The following SPACA7 variants were observed in gnomAD, a reference collection of about 807,000 sequenced individuals.
The protein encoded by SPACA7 is sperm acrosome-associated protein 7.
Under a neutral mutation model 26.3 loss-of-function variants are expected in SPACA7, and 19 were observed. The observed-to-expected ratio is 0.72, with a 90% CI of 0.50 to 1.06. The LOEUF is 1.06. SPACA7 is among the 50% of genes least tolerant of loss of function. The pLI is 0.00. For missense variants in SPACA7, 211 were observed against 229.9 expected, an observed-to-expected ratio of 0.92 and a Z score of 0.53; for synonymous variants, 84 against 84.5, an observed-to-expected ratio of 0.99 and a Z score of 0.04.
In SPACA7 at chr13:112,393,093, C is replaced by T. The variant is rs1041974157; in HGVS notation, c.151+16C>T. On this transcript the variant is annotated intron_variant, in intron 2 of 6. Transcript: ENST00000283550. Reference sequence around the variant, plus strand: ...GAATTATTAGGTAAGGAAGCCCCTCCTATCAACCTCTGGCCTGTACGTGAA... The same window carrying T: ...GAATTATTAGGTAAGGAAGCCCCTCTTATCAACCTCTGGCCTGTACGTGAA... 22 of 1,609,368 alleles carry T rather than the reference C, an allele frequency of 1.4e-5. No individual in the cohort carries two copies. The highest frequency in any genetic ancestry group is 1.6e-4 in the Middle Eastern group (1 of 6,066).
At chr13:112,397,877 C>T (rs540030800) in intron 2 of SPACA7, among the ~76,000 whole-genome samples, 172 bp from the exon 3 acceptor site, 3 of 152,028 alleles carry the variant, frequency 2.0e-5, no homozygotes, top group Admixed American at 2.0e-4. Flanking sequence ...CCTGCCCACC[C>T]AGAGAAGGTT....
intron 2 of SPACA7, 48 bp downstream of exon 2, chr13:112,393,125 T>C (rs772304306): frequency 6.7e-7 from 1 of 1,489,914 alleles, no homozygotes; most frequent in Non-Finnish European, 9.3e-7. Context: ...TGAAGAGGGC[T>C]GGATGGTTGT....
rs760451977 is a variant in SPACA7 at position 112,398,047 on chromosome 13, A to G, written c.152-2A>G. The stretch of plus-strand genomic sequence containing the variant: ...AACGTGATCTTGTGTGCTTCTCCCA[A>G]GATGAAATTCTGGTCCAGGAGATTT... On this transcript the variant is annotated splice_acceptor_variant, in intron 2 of 6. Coordinates refer to ENST00000283550, the MANE Select transcript of SPACA7 (RefSeq NM_145248.5). LOFTEE classifies it high-confidence loss of function. The G allele has an allele frequency of 1.7e-5, 27 of 1,610,450 alleles. No individual in the cohort carries two copies. Among genetic ancestry groups the G allele is most frequent in the African/African-American group, 1.3e-5 (1 of 74,822 alleles).
At chr13:112,376,803 A>G (rs561696169) in intron 1 of SPACA7, among the ~76,000 whole-genome samples, 1 of 152,258 alleles carries the variant, frequency 6.6e-6, no homozygotes, top group Admixed American at 6.5e-5. Context: ...ACACACATAC[A>G]CACTCCACAC....
Position 112,432,313 on chromosome 13 carries a change from TCAC to T in SPACA7, c.446-129_446-127del, listed in dbSNP as rs1877232782. The T allele has an allele frequency of 1.0e-4, 64 of 642,678 alleles. No homozygotes were observed. In the Admixed American group the frequency reaches 1.8e-3, roughly 18 times the overall value. The allele number at this position is 642,678 out of a possible 1,614,324, so 39.8% of individuals were successfully genotyped here. On this transcript the variant is annotated intron_variant, in intron 5 of 6. Coordinates refer to ENST00000283550, the MANE Select transcript of SPACA7 (RefSeq NM_145248.5). ...CTGTGTCTCGAGAAGCTGCAGCACCTCACCCCGCTTGCTCTGTGCGTGGGTGCT... is the reference window on the plus strand; with the variant it reads ...CTGTGTCTCGAGAAGCTGCAGCACCTCCCGCTTGCTCTGTGCGTGGGTGCT...
At position 112,393,003 on chromosome 13, in the gene SPACA7, GT is replaced by G; in HGVS notation, c.95-13del. ...TCAATGAACATTGTTAAACTGTAGG[GT>G]TTTTATTTCCTTCTAGGTTCACCTA... On this transcript the variant is annotated splice_polypyrimidine_tract_variant and intron_variant, in intron 1 of 6. Coordinates refer to ENST00000283550, the MANE Select transcript of SPACA7 (RefSeq NM_145248.5). The G allele has an allele frequency of 6.2e-7, 1 of 1,604,330 alleles. No homozygotes were observed.
chr13:112,393,921 G>T (rs1885063368), intron 2 of SPACA7, among the ~76,000 whole-genome samples: 1 of 151,410 alleles, frequency 6.6e-6, no homozygotes, highest in African/African-American at 2.4e-5. Context: ...TGGAGGCAGA[G>T]GTTGCAGTAA....
intron 5 of SPACA7, among the ~76,000 whole-genome samples, chr13:112,410,918 T>A (rs1235326236): frequency 6.6e-6 from 1 of 152,150 alleles, no homozygotes; most frequent in African/African-American, 2.4e-5. Flanking sequence ...GACGAATACA[T>A]GGATAAGCAA....
At chr13:112,430,596 C>G (rs572574589) in intron 5 of SPACA7, among the ~76,000 whole-genome samples, 62 of 152,256 alleles carry the variant, frequency 4.1e-4, no homozygotes, top group African/African-American at 1.5e-3. Context: ...GAAGGAAAAG[C>G]AAGGACTGGG....
At chr13:112,417,165 C>T (rs1354568548) in intron 5 of SPACA7, among the ~76,000 whole-genome samples, 3 of 151,984 alleles carry the variant, frequency 2.0e-5, no homozygotes, top group African/African-American at 4.8e-5. Context: ...TTAGACTCAC[C>T]TATTATTTTT....
intron 1 of SPACA7, among the ~76,000 whole-genome samples, chr13:112,382,105 C>G (rs985083794): frequency 1.3e-5 from 2 of 152,158 alleles, no homozygotes; most frequent in African/African-American, 4.8e-5. Context: ...GTTCAGCCTA[C>G]GCCCAGGAGT....
intron 5 of SPACA7, among the ~76,000 whole-genome samples, chr13:112,403,190 A>T (rs1885755653): frequency 6.6e-6 from 1 of 152,054 alleles, no homozygotes; most frequent in South Asian, 2.1e-4. Flanking sequence ...TTCTTAATCA[A>T]TGGGGTCAAT....
intron 5 of SPACA7, among the ~76,000 whole-genome samples, chr13:112,411,289 A>G (rs954498789): frequency 2.0e-5 from 3 of 151,982 alleles, no homozygotes; most frequent in Non-Finnish European, 4.4e-5. Context: ...ACCACTTACT[A>G]TCTGGTTTTT....
chr13:112,407,599 A>C (rs1219736622), intron 5 of SPACA7, among the ~76,000 whole-genome samples: 1 of 152,220 alleles, frequency 6.6e-6, no homozygotes, highest in Non-Finnish European at 1.5e-5. Flanking sequence ...CCTCTACGCA[A>C]ATAAACTAGA....
At chr13:112,420,193 A>G (rs971672798) in intron 5 of SPACA7, among the ~76,000 whole-genome samples, 1 of 152,210 alleles carries the variant, frequency 6.6e-6, no homozygotes, top group Non-Finnish European at 1.5e-5. Flanking sequence ...TTCAATAAAA[A>G]ATTACAATAC....
At chr13:112,411,048 C>T (rs546754073) in intron 5 of SPACA7, among the ~76,000 whole-genome samples, 1 of 151,892 alleles carries the variant, frequency 6.6e-6, no homozygotes, top group Non-Finnish European at 1.5e-5. Flanking sequence ...GAGTTAAGCT[C>T]ATTTACATTA....
Position 112,383,149 on chromosome 13 carries a change from GAAAGAAAGAAAGAAAGAAAGAA to G in SPACA7, c.94+6672_94+6693del, listed in dbSNP as rs1566453361. On this transcript the variant is annotated intron_variant, in intron 1 of 6. Coordinates refer to ENST00000283550, the MANE Select transcript of SPACA7 (RefSeq NM_145248.5). ...AGAAAGAAAGAAAGAAAGAAAGAAA[GAAAGAAAGAAAGAAAGAAAGAA>G]AGAAAGAAAGAAAGAAAGAAAGAAA... Among the ~76,000 whole-genome samples the G allele has an allele frequency of 1.6e-3, 159 of 97,490 alleles. 1 individual carries two copies. The highest frequency in any genetic ancestry group is 6.7e-3 in the African/African-American group (139 of 20,808). The allele number at this position is 97,490 out of a possible 152,430, so 64.0% of individuals were successfully genotyped here.
At chr13:112,388,672 G>A (rs964473953) in intron 1 of SPACA7, among the ~76,000 whole-genome samples, 1 of 152,232 alleles carries the variant, frequency 6.6e-6, no homozygotes, top group Non-Finnish European at 1.5e-5. Context: ...CCTAGGCAGA[G>A]CCAATTCGTC....
At chr13:112,423,144 T>C (rs759305273) in intron 5 of SPACA7, among the ~76,000 whole-genome samples, 1 of 152,066 alleles carries the variant, frequency 6.6e-6, no homozygotes, top group African/African-American at 2.4e-5. Context: ...GATTCAAAAA[T>C]TAAAAGTGAG....
Sources: allele counts gnomAD v4.1 joint callset (sites outside exome capture counted in the v4.1 genomes callset), GRCh38; gene constraint gnomAD v4.1.1; transcripts MANE v1.5; gene names NCBI Gene and HGNC (gene_info 2026-07-23, HGNC 2026-07-21).